PIGU: variants seen among roughly 807,000 people sequenced by gnomAD.
The protein encoded by PIGU is phosphatidylinositol glycan anchor biosynthesis class U, also known as GPI-anchor transamidase component PIGU.
Under a neutral mutation model 49.9 loss-of-function variants are expected in PIGU, and 24 were observed. The ratio of observed to expected loss-of-function variants is 0.48; its 90% confidence interval spans 0.35 to 0.68. The LOEUF (loss-of-function observed/expected upper bound fraction) is 0.68, where lower values mean the gene tolerates loss of function less well. PIGU is among the 30% of genes least tolerant of loss of function. PIGU has a pLI of 0.01. For synonymous variants in PIGU, 220 were observed against 205.7 expected (o/e 1.07, Z -0.59); for missense variants, 490 against 532.6 (o/e 0.92, Z 0.79).
intron 7 of PIGU, among the ~76,000 whole-genome samples, chr20:34,590,759 A>G (rs562455038): frequency 6.6e-6 from 1 of 152,276 alleles, no homozygotes; most frequent in African/African-American, 2.4e-5. Context: ...GCGGTAGCTC[A>G]TGCCTGTAAT....
At chr20:34,571,923 C>CA (rs1568620609) in intron 11 of PIGU, among the ~76,000 whole-genome samples, 2 of 152,180 alleles carry the variant, frequency 1.3e-5, no homozygotes, top group African/African-American at 4.8e-5. Flanking sequence ...ATCTGATGCA[C>CA]CCTGTTAGTG....
chr20:34,669,679 A>AG (rs1987243792), intron 1 of PIGU, among the ~76,000 whole-genome samples: 1 of 151,774 alleles, frequency 6.6e-6, no homozygotes, highest in Admixed American at 6.6e-5. Flanking sequence ...AAAAAAAAAA[A>AG]AAAGTAAAAA....
At chr20:34,651,802 C>G (rs953586726) in intron 2 of PIGU, among the ~76,000 whole-genome samples, 1 of 152,022 alleles carries the variant, frequency 6.6e-6, no homozygotes, top group Non-Finnish European at 1.5e-5. Flanking sequence ...GAGTCAGATT[C>G]GCATTTAAAT....
chr20:34,621,431 T>C (rs1985221599), intron 6 of PIGU, among the ~76,000 whole-genome samples: 1 of 152,112 alleles, frequency 6.6e-6, no homozygotes, highest in Non-Finnish European at 1.5e-5. Flanking sequence ...CAGAGAATGC[T>C]CTCTGTGGAG....
chr20:34,620,982 C>T (rs1355164686), intron 6 of PIGU, among the ~76,000 whole-genome samples: 1 of 152,060 alleles, frequency 6.6e-6, no homozygotes, highest in African/African-American at 2.4e-5. Flanking sequence ...AAGACAGAAA[C>T]AGAAAGCTTC....
chr20:34,603,652 T>C (rs1269019291), intron 7 of PIGU, among the ~76,000 whole-genome samples: 1 of 152,170 alleles, frequency 6.6e-6, no homozygotes, highest in South Asian at 2.1e-4. Flanking sequence ...ATGACTCCAG[T>C]AGACTTTGAT....
chr20:34,629,726 T>C (rs1353820865), intron 6 of PIGU, among the ~76,000 whole-genome samples: 6 of 152,156 alleles, frequency 3.9e-5, no homozygotes, highest in Non-Finnish European at 7.3e-5. Context: ...GAGGGAAAAA[T>C]GTTGGAAAAA....
intron 11 of PIGU, among the ~76,000 whole-genome samples, chr20:34,564,479 G>C (rs1982661445): frequency 6.6e-6 from 1 of 152,242 alleles, no homozygotes; most frequent in Non-Finnish European, 1.5e-5. Context: ...CTGGGCAACA[G>C]AGCAAAACTC....
intron 6 of PIGU, among the ~76,000 whole-genome samples, chr20:34,623,376 G>C (rs1985322743): frequency 6.6e-6 from 1 of 151,676 alleles, no homozygotes; most frequent in South Asian, 2.1e-4. Context: ...GTACATATCA[G>C]TGATAACGAT....
intron 1 of PIGU, among the ~76,000 whole-genome samples, chr20:34,659,607 A>AC (rs1347426650): frequency 1.3e-5 from 2 of 152,184 alleles, no homozygotes; most frequent in African/African-American, 4.8e-5. Flanking sequence ...TGTGGAATAG[A>AC]AAGGGGGGAA....
chr20:34,599,512 T>C (rs1383140100), intron 7 of PIGU, among the ~76,000 whole-genome samples: 1 of 152,076 alleles, frequency 6.6e-6, no homozygotes, highest in African/African-American at 2.4e-5. Flanking sequence ...AAGGTGTTGA[T>C]CAAACTATAG....
At chr20:34,575,960 A>G (rs1298528474) in intron 10 of PIGU, among the ~76,000 whole-genome samples, 1 of 152,238 alleles carries the variant, frequency 6.6e-6, no homozygotes, top group Non-Finnish European at 1.5e-5. Context: ...ACAGGAGTGT[A>G]GCATGGCAGC....
chr20:34,618,582 G>A (rs941511705), intron 6 of PIGU, among the ~76,000 whole-genome samples: 4 of 152,136 alleles, frequency 2.6e-5, no homozygotes, highest in Non-Finnish European at 5.9e-5. Flanking sequence ...AGGAGTTACA[G>A]ACTAGCTTGG....
At chr20:34,629,048 G>A (rs966720254) in intron 6 of PIGU, among the ~76,000 whole-genome samples, 5 of 146,496 alleles carry the variant, frequency 3.4e-5, no homozygotes, top group Admixed American at 6.9e-5. Context: ...ATGGACTCTC[G>A]CTCTGTCGCC....
Position 34,637,940 on chromosome 20 carries a change from C to G in PIGU, c.364G>C (p.Asp122His), listed in dbSNP as rs1568652490. 6.2e-7 allele frequency: 1 copy of G among 1,604,072 alleles called. No individual in the cohort carries two copies. The highest frequency in any genetic ancestry group is 8.5e-7 in the Non-Finnish European group (1 of 1,176,644). ...GGGGTCCGGATGAGTTCGGCCACAT[C>G]TGGGGCATACTGGTCCAGTTCTAGG... ...LLLELDQYAP[D>H]VAELIRTPME... is the part of the protein sequence containing the mutation. Residue 122 changes from aspartate to histidine, a missense_variant, in exon 5 of 12, where the codon GAT becomes CAT. Coordinates refer to ENST00000217446, the MANE Select transcript of PIGU (RefSeq NM_080476.5).
chr20:34,659,285 C>G (rs1488225465), intron 1 of PIGU, among the ~76,000 whole-genome samples: 407 of 142,308 alleles, frequency 2.9e-3, no homozygotes, highest in African/African-American at 0.011. Flanking sequence ...CCAGCCACCC[C>G]GTCCGGGAGG....
intron 11 of PIGU, among the ~76,000 whole-genome samples, chr20:34,572,646 T>A (rs889332276): frequency 2.6e-5 from 4 of 152,118 alleles, no homozygotes; most frequent in Non-Finnish European, 5.9e-5. Flanking sequence ...AGAGTGAGAC[T>A]CTATCTCAAA....
chr20:34,578,778 T>C (rs1335820147), intron 10 of PIGU, among the ~76,000 whole-genome samples: 2 of 152,222 alleles, frequency 1.3e-5, no homozygotes, highest in African/African-American at 2.4e-5. Flanking sequence ...CCAGAGCAGA[T>C]GGAGCTGGAG....
intron 2 of PIGU, among the ~76,000 whole-genome samples, chr20:34,647,730 T>C (rs964461930): frequency 2.0e-5 from 3 of 152,194 alleles, no homozygotes; most frequent in Non-Finnish European, 4.4e-5. Flanking sequence ...AAATACACTA[T>C]ATGACTGCAA....
Sources: allele counts gnomAD v4.1 joint callset (sites outside exome capture counted in the v4.1 genomes callset), GRCh38; gene constraint gnomAD v4.1.1; transcripts MANE v1.5; gene names NCBI Gene and HGNC (gene_info 2026-07-23, HGNC 2026-07-21).